The following JMJD6 variants were observed in gnomAD, a reference collection of about 807,000 sequenced individuals.
JMJD6 encodes jumonji domain containing 6, arginine demethylase and lysine hydroxylase, also known as bifunctional arginine demethylase and lysyl-hydroxylase JMJD6.
A neutral mutation model predicts 45.8 loss-of-function variants in JMJD6; 17 were observed. The ratio of observed to expected loss-of-function variants is 0.37; its 90% CI spans 0.25 to 0.56. The LOEUF is 0.56. JMJD6 is among the 20% of genes least tolerant of loss of function. The pLI is 0.79. For missense variants in JMJD6, 470 were observed against 517.5 expected (o/e 0.91, Z 0.89); for synonymous variants, 221 against 196.3 (o/e 1.13, Z -1.05).
chr17:76,716,729 AG>A, downstream of JMJD6: 2 of 1,614,128 alleles, frequency 1.2e-6, no homozygotes. Context: ...AATCCTGCCA[AG>A]GAAAGCACAA....
Position 76,723,814 on chromosome 17 carries a change from G to A in JMJD6, c.763C>T (p.Leu255=). The stretch of plus-strand genomic sequence containing the variant: ...TCTCCTGGTTTTTGTAAGATTTCCA[G>A]GGGTTTGAATTCAGGTGGCCAGGTT... The part of the protein sequence containing the change: ...LPTWPPEFKP[L]EILQKPGETV... The change falls in exon 3 of 6, where the codon CTG becomes TTG. Residue 255 remains leucine, a synonymous_variant. Coordinates refer to ENST00000397625, the MANE Select transcript of JMJD6 (RefSeq NM_015167.3). The A allele has an allele frequency of 1.2e-5, 19 of 1,614,176 alleles. No individual in the cohort carries two copies. The highest frequency in any genetic ancestry group is 1.6e-5 in the Non-Finnish European group (19 of 1,180,032).
chr17:76,722,220 TC>T (rs2076834431), intron 3 of JMJD6, among the ~76,000 whole-genome samples: 2 of 152,110 alleles, frequency 1.3e-5, no homozygotes, highest in South Asian at 4.1e-4. Flanking sequence ...AAATATTGAC[TC>T]CCCGGCCCTT....
chr17:76,721,997 A>G, intron 3 of JMJD6, 64 bp from the exon 4 acceptor site: 1 of 1,560,160 alleles, frequency 6.4e-7, no homozygotes, highest in Non-Finnish European at 8.7e-7. Context: ...TGTATAACAC[A>G]CACACCAGAA....
intron 3 of JMJD6, among the ~76,000 whole-genome samples, chr17:76,723,282 T>C (rs1460405884): frequency 1.3e-5 from 2 of 152,052 alleles, no homozygotes; most frequent in Non-Finnish European, 1.5e-5. Context: ...CCATATAAAA[T>C]GTGAACAAGA....
downstream of JMJD6, chr17:76,716,052 A>G (rs2076761638): frequency 6.7e-6 from 1 of 148,306 alleles, no homozygotes; most frequent in Non-Finnish European, 1.5e-5. Flanking sequence ...ATGCAAACAA[A>G]AAACCCCAAT....
intron 2 of JMJD6, among the ~76,000 whole-genome samples, chr17:76,724,974 A>G (rs1372164171): frequency 6.6e-6 from 1 of 152,174 alleles, no homozygotes; most frequent in African/African-American, 2.4e-5. Context: ...GCATCACCCG[A>G]ATTAAATCAG....
chr17:76,722,340 C>A (rs1329732755), intron 3 of JMJD6, among the ~76,000 whole-genome samples: 8 of 152,240 alleles, frequency 5.3e-5, no homozygotes. Context: ...AATACACTTA[C>A]CTTACTTTCC....
At chr17:76,719,094 T>G (rs2076793139) in intron 5 of JMJD6, among the ~76,000 whole-genome samples, 1 of 152,224 alleles carries the variant, frequency 6.6e-6, no homozygotes, top group East Asian at 1.9e-4. Flanking sequence ...ACTGTTCTCT[T>G]AACCGTGTGG....
intron 3 of JMJD6, 45 bp from the exon 4 acceptor site, chr17:76,721,978 C>G: frequency 6.2e-7 from 1 of 1,605,554 alleles, no homozygotes; most frequent in Non-Finnish European, 8.5e-7. Context: ...TGATCCTATA[C>G]CTAATTACTG....
At chr17:76,720,597 G>C in intron 4 of JMJD6, 99 bp from the exon 5 acceptor site, 6 of 1,175,146 alleles carry the variant, frequency 5.1e-6, no homozygotes, top group South Asian at 1.3e-5. Flanking sequence ...AAACACCTGG[G>C]AATGCCAGGT....
chr17:76,717,061 G>C (rs2076770175), downstream of JMJD6, among the ~76,000 whole-genome samples: 1 of 152,118 alleles, frequency 6.6e-6, no homozygotes, highest in South Asian at 2.1e-4. Context: ...ACAGAGAATG[G>C]AGGCCACGCG....
At position 76,718,777 on chromosome 17, in the gene JMJD6, G is replaced by A. The variant is rs2076788420; in HGVS notation, c.1164C>T (p.Thr388=). The A allele has an allele frequency of 6.2e-7, 1 of 1,614,104 alleles. No individual in the cohort carries two copies. The highest frequency in any genetic ancestry group is 8.5e-7 in the Non-Finnish European group (1 of 1,180,040). ...RTCSMVGNGD[T]TSQDDCVSKE... is the part of the protein sequence containing the mutation. The stretch of plus-strand genomic sequence containing the variant: ...TGCTGACACAGTCGTCCTGGGAGGT[G>A]GTGTCCCCGTTTCCCACCATGCTGC... The change falls in exon 6 of 6, where the codon ACC becomes ACT. Residue 388 remains threonine, a synonymous_variant. Coordinates refer to ENST00000397625, the MANE Select transcript of JMJD6 (RefSeq NM_015167.3).
In JMJD6 at chr17:76,724,058, C is replaced by T. The variant is rs764599120; in HGVS notation, c.519G>A (p.Arg173=). 4 of 1,613,320 alleles carry T rather than the reference C, an allele frequency of 2.5e-6. No homozygotes were observed. In the South Asian group the frequency reaches 4.4e-5, roughly 18 times the overall value. The change falls in exon 3 of 6, where the codon AGG becomes AGA. Residue 173 remains arginine, a splice_region_variant and synonymous_variant. Coordinates refer to ENST00000397625, the MANE Select transcript of JMJD6 (RefSeq NM_015167.3). Reference sequence around the variant, plus strand: ...AGCGTGGTGGCCCCATCACAAACCACCTACAGAATGGAGATATCCAAGATG... The same window carrying T: ...AGCGTGGTGGCCCCATCACAAACCATCTACAGAATGGAGATATCCAAGATG... ...YAGEKRRPPY[R]WFVMGPPRSG... is the part of the protein sequence containing the mutation.
chr17:76,726,227 G>C, intron 1 of JMJD6, 120 bp downstream of exon 1: 2 of 1,314,492 alleles, frequency 1.5e-6, no homozygotes, highest in Non-Finnish European at 1.0e-6. Flanking sequence ...CGCGGGGTGC[G>C]GGTGAGCCTC....
chr17:76,724,676 G>T (rs559681840), intron 2 of JMJD6, among the ~76,000 whole-genome samples: 1 of 151,868 alleles, frequency 6.6e-6, no homozygotes, highest in Non-Finnish European at 1.5e-5. Flanking sequence ...AATTAGCCGG[G>T]TGTGGTGGTG....
rs1239700717 is a variant in JMJD6, at chr17:76,725,789, G to A, written c.196C>T (p.Pro66Ser). The A allele has an allele frequency of 6.2e-7, 1 of 1,613,810 alleles. No individual in the cohort carries two copies. The highest frequency in any genetic ancestry group is 8.5e-7 in the Non-Finnish European group (1 of 1,179,980). The change falls in exon 2 of 6, where the codon CCT (proline) becomes TCT (serine). Residue 66 changes from proline (P) to serine (S), a missense_variant. Pro to Ser is a moderately conservative substitution (Grantham distance 74). This residue lies in a region of JMJD6 where 346 missense variants were observed against 339.5 expected (regional missense o/e 1.02). Coordinates refer to ENST00000397625, the MANE Select transcript of JMJD6 (RefSeq NM_015167.3). ...VEEFVERYERPYKPVVLLNAQ... is the reference protein window; with the variant it reads ...VEEFVERYERSYKPVVLLNAQ... ...TTCAACAAAACCACGGGCTTGTAAG[G>A]TCTTTCATACCGCTCCACAAATTCT... is the stretch of plus-strand genomic sequence containing the variant.
chr17:76,725,664 G>T lies in JMJD6; in HGVS notation c.321C>A (p.Gly107=). Residue 107 remains glycine, a synonymous_variant, in exon 2 of 6, where the codon GGC becomes GGA. Coordinates refer to ENST00000397625, the MANE Select transcript of JMJD6 (RefSeq NM_015167.3). ...ATTTCATCTTCATCTTCACTGAGTA[G>T]CCATCGTTATCCTCACCACACTTGA... ...QKFKCGEDND[G]YSVKMKMKYY... is the part of the protein sequence containing the mutation. 1 of 1,614,016 alleles carries T rather than the reference G, an allele frequency of 6.2e-7. No individual in the cohort carries two copies. The highest frequency in any genetic ancestry group is 8.5e-7 in the Non-Finnish European group (1 of 1,180,006).
downstream of JMJD6, chr17:76,715,066 T>G (rs954143567): frequency 2.6e-5 from 4 of 152,298 alleles, no homozygotes; most frequent in Middle Eastern, 3.4e-3. Flanking sequence ...TATTTTAAAC[T>G]GAAGTTTAGA....
At chr17:76,717,581 CTTG>C (rs1186883782), downstream of JMJD6, among the ~76,000 whole-genome samples, 1 of 152,078 alleles carries the variant, frequency 6.6e-6, no homozygotes, top group Non-Finnish European at 1.5e-5. Flanking sequence ...GTGGCTCATG[CTTG>C]TTGTAATAAT....
Sources: gnomAD v4.1 joint callset for allele counts (sites outside exome capture counted in the v4.1 genomes callset) on GRCh38, gnomAD v4.1.1 for gene constraint, gnomAD v4.1.1 regional missense constraint, MANE v1.5 for transcripts, NCBI Gene and HGNC (gene_info 2026-07-23, HGNC 2026-07-21) for gene names.